The following COL28A1 variants were observed in gnomAD, a reference collection of about 807,000 sequenced individuals.
The protein encoded by COL28A1 is collagen alpha-1(XXVIII) chain.
In COL28A1, 161 loss-of-function variants were observed where a neutral mutation model predicts 150.2. The ratio of observed to expected loss-of-function variants is 1.07; its 90% confidence interval spans 0.94 to 1.22. COL28A1 has a LOEUF of 1.22. Ranked by LOEUF, COL28A1 falls within the 50% of genes most tolerant of loss-of-function variation. The pLI is 0.00. For missense variants in COL28A1, 1,617 were observed against 1,388.3 expected (o/e 1.16, Z -2.62); for synonymous variants, 552 against 469.7 (o/e 1.18, Z -2.26).
the COL28A1 span, among the ~76,000 whole-genome samples, chr7:7,345,970 T>C: frequency 1.3e-5 from 2 of 152,092 alleles, no homozygotes; most frequent in Non-Finnish European, 2.9e-5. Context: ...ACAAGCTCCT[T>C]GATGTCCCTT....
the COL28A1 span, among the ~76,000 whole-genome samples, chr7:7,347,098 CTTGATTCAGATGAAT>C: frequency 1.3e-5 from 2 of 151,962 alleles, no homozygotes; most frequent in Non-Finnish European, 2.9e-5. Context: ...AGTGATGGAT[CTTGATTCAGATGAAT>C]TATAATGTCC....
At chr7:7,448,318 T>C (rs6957099) in intron 18 of COL28A1, among the ~76,000 whole-genome samples, 32,550 of 152,042 alleles carry the variant, frequency 0.21, 4,839 homozygotes, top group African/African-American at 0.42. Context: ...AAAGACATGT[T>C]GTGTAGAGAA....
chr7:7,511,205 T>C (rs1781116798), intron 8 of COL28A1, 70 bp from the exon 9 acceptor site: 2 of 1,303,102 alleles, frequency 1.5e-6, no homozygotes, highest in East Asian at 4.7e-5. Flanking sequence ...TGTTTGTTTG[T>C]TTGTTTTTTA....
chr7:7,513,694 G>T (rs11979711), intron 8 of COL28A1, among the ~76,000 whole-genome samples: 2,279 of 152,272 alleles, frequency 0.015, 45 homozygotes, highest in African/African-American at 0.052. Flanking sequence ...AAAACAGAAA[G>T]TACCATAAAT....
Position 7,521,964 on chromosome 7 carries a change from GA to G in COL28A1, c.703-4del. ...CATTCACAAATCTTGCGTTCACACT[GA>G]ATCAATAATGAAATATGATATTAAC... On this transcript the variant is annotated splice_polypyrimidine_tract_variant and splice_region_variant and intron_variant, in intron 4 of 34. Transcript: ENST00000399429. 9.8e-7 allele frequency: 1 copy of G among 1,024,066 alleles called. No homozygotes were observed. The highest frequency in any genetic ancestry group is 1.6e-6 in the Non-Finnish European group (1 of 640,276). The allele number at this position is 1,024,066 out of a possible 1,614,324, so 63.4% of individuals were successfully genotyped here. A position where few individuals can be genotyped will look rare whatever the true frequency, so the allele number is the denominator to read the frequency against.
At chr7:7,353,924 C>T (rs1016712866), downstream of COL28A1, among the ~76,000 whole-genome samples, 5 of 151,968 alleles carry the variant, frequency 3.3e-5, no homozygotes, top group African/African-American at 9.7e-5. Context: ...GAGAAAATAC[C>T]CATAGCTCTC....
At chr7:7,342,417 GA>G in the COL28A1 span, among the ~76,000 whole-genome samples, 1 of 151,946 alleles carries the variant, frequency 6.6e-6, no homozygotes, top group Non-Finnish European at 1.5e-5. Flanking sequence ...TGCTTGGTCT[GA>G]ATACATTTAA....
At chr7:7,478,812 C>T (rs12673371) in intron 13 of COL28A1, among the ~76,000 whole-genome samples, 17,815 of 152,310 alleles carry the variant, frequency 0.12, 1,326 homozygotes, top group East Asian at 0.28. Flanking sequence ...CTGCCCGGGG[C>T]GGCAGGGCCA....
At position 7,380,876 on chromosome 7, in the gene COL28A1, G is replaced by A. The variant is rs375386515; in HGVS notation, c.2206-14C>T. On this transcript the variant is annotated splice_polypyrimidine_tract_variant and intron_variant, in intron 28 of 34. Transcript: ENST00000399429. ...TCCGTGCTCTCCCTTTACACAATAG[G>A]GTAAAATGATAGGTTCAGAATGTGA... 1.2e-6 allele frequency: 2 copies of A among 1,602,772 alleles called. No individual in the cohort carries two copies. Among genetic ancestry groups the A allele is most frequent in the Non-Finnish European group, 1.7e-6 (2 of 1,170,502 alleles).
At chr7:7,512,618 A>G (rs1342553157) in intron 8 of COL28A1, among the ~76,000 whole-genome samples, 1 of 152,238 alleles carries the variant, frequency 6.6e-6, no homozygotes, top group Non-Finnish European at 1.5e-5. Context: ...ACTTAGAACT[A>G]AAAGGTGACA....
chr7:7,511,204 G>T, intron 8 of COL28A1, 69 bp from the exon 9 acceptor site: 1 of 1,302,468 alleles, frequency 7.7e-7, no homozygotes, highest in Non-Finnish European at 1.1e-6. Context: ...ATGTTTGTTT[G>T]TTTGTTTTTT....
intron 25 of COL28A1, among the ~76,000 whole-genome samples, chr7:7,420,637 A>G (rs1784345903): frequency 6.6e-6 from 1 of 152,228 alleles, no homozygotes; most frequent in South Asian, 2.1e-4. Context: ...TTGCATTATA[A>G]TGATGTCTAG....
intron 28 of COL28A1, 77 bp from the exon 29 acceptor site, chr7:7,380,939 T>A (rs1781838920): frequency 8.0e-7 from 1 of 1,251,286 alleles, no homozygotes; most frequent in Non-Finnish European, 1.2e-6. Flanking sequence ...ATAATTTGGT[T>A]ATCTGCAACT....
chr7:7,434,149 T>C (rs1334114562), intron 23 of COL28A1, among the ~76,000 whole-genome samples: 1 of 152,244 alleles, frequency 6.6e-6, no homozygotes, highest in African/African-American at 2.4e-5. Context: ...TGTTTTTATG[T>C]GGTTAACCTT....
chr7:7,487,767 A>C (rs926430542), intron 13 of COL28A1, among the ~76,000 whole-genome samples: 2 of 152,146 alleles, frequency 1.3e-5, no homozygotes, highest in Non-Finnish European at 2.9e-5. Context: ...ATTCCACTCG[A>C]ATCTGAGCTG....
At chr7:7,538,040 C>T (rs1782708748), upstream of COL28A1, among the ~76,000 whole-genome samples, 1 of 152,174 alleles carries the variant, frequency 6.6e-6, no homozygotes, top group African/African-American at 2.4e-5. Context: ...CTTAGTCATC[C>T]ATTCCCTTTC....
chr7:7,450,274 G>T (rs746476638), intron 18 of COL28A1, among the ~76,000 whole-genome samples: 2 of 151,868 alleles, frequency 1.3e-5, no homozygotes, highest in Non-Finnish European at 2.9e-5. Flanking sequence ...ATTCCATGTG[G>T]GTTAAATCCC....
chr7:7,474,691 A>G (rs117469435), intron 14 of COL28A1, 22 bp from the exon 15 acceptor site: 21,728 of 1,020,968 alleles, frequency 0.021, 307 homozygotes, highest in Non-Finnish European at 0.028. Flanking sequence ...AGGGAGGGAT[A>G]TCAATGCACC....
At chr7:7,470,896 G>A (rs1359766055) in intron 15 of COL28A1, among the ~76,000 whole-genome samples, 1 of 127,462 alleles carries the variant, frequency 7.8e-6, no homozygotes, top group Non-Finnish European at 1.6e-5. Flanking sequence ...TCACTCATAG[G>A]TGGGAATTGA....
Sources: allele counts gnomAD v4.1 joint callset (sites outside exome capture counted in the v4.1 genomes callset), GRCh38; gene constraint gnomAD v4.1.1; transcripts MANE v1.5; gene names NCBI Gene and HGNC (gene_info 2026-07-23, HGNC 2026-07-21).